Variants in TBX20 observed in about 807,000 individuals in gnomAD.
The protein encoded by TBX20 is T-box transcription factor 20.
In TBX20, 8 loss-of-function variants were observed where a neutral mutation model predicts 42.9. That is an observed-to-expected ratio of 0.19 (90% confidence interval 0.11 to 0.34). The LOEUF (loss-of-function observed/expected upper bound fraction) is 0.34. Ranked by LOEUF, TBX20 falls within the 10% of genes least tolerant of loss-of-function variation. The probability of loss-of-function intolerance (pLI) is 1.00; values close to 1 mark genes in which losing one functional copy is unlikely to be tolerated. For missense variants in TBX20, 411 were observed against 566.0 expected (o/e 0.73, Z 2.78); for synonymous variants, 198 against 222.8 (o/e 0.89, Z 0.99).
intron 4 of TBX20, among the ~76,000 whole-genome samples, chr7:35,242,633 TC>T (rs1013073413): frequency 3.9e-5 from 6 of 152,146 alleles, no homozygotes; most frequent in African/African-American, 9.7e-5. Context: ...GCTGCTTCTT[TC>T]CCCACTTCTA....
intron 6 of TBX20, among the ~76,000 whole-genome samples, chr7:35,206,525 CAA>C (rs1238923033): frequency 6.6e-6 from 1 of 152,126 alleles, no homozygotes; most frequent in Admixed American, 6.5e-5. Flanking sequence ...CCAGCCTAGA[CAA>C]AAGAGTGAAA....
chr7:35,231,511 T>A lies in TBX20; in HGVS notation c.883A>T (p.Ile295Phe), dbSNP rs1789865653. The A allele has an allele frequency of 6.2e-7, 1 of 1,612,600 alleles. No individual in the cohort carries two copies. The highest frequency in any genetic ancestry group is 1.7e-5 in the Admixed American group (1 of 59,996). ...ACAGAAAATTCTCATTACCTCTCAA[T>A]GTCAGTGAGCCTGGAGGAATCCCGG... ...GFRDSSRLTD[I>F]ERESVESLIQ... Residue 295 changes from isoleucine (I) to phenylalanine (F), a missense_variant, in exon 6 of 8, where the codon ATT becomes TTT. Ile to Phe is a conservative substitution (Grantham distance 21). Transcript: ENST00000408931.
At chr7:35,247,969 T>C (rs923743264) in intron 3 of TBX20, among the ~76,000 whole-genome samples, 1 of 152,198 alleles carries the variant, frequency 6.6e-6, no homozygotes, top group Non-Finnish European at 1.5e-5. Flanking sequence ...AAGGTTTGCA[T>C]GTGCTTTTTT....
intron 6 of TBX20, among the ~76,000 whole-genome samples, chr7:35,219,111 A>C (rs1465518170): frequency 6.6e-6 from 1 of 152,152 alleles, no homozygotes; most frequent in Non-Finnish European, 1.5e-5. Flanking sequence ...CCTGGATCCT[A>C]TCCCTCCAAG....
chr7:35,232,808 AG>A (rs1789892764), intron 5 of TBX20, among the ~76,000 whole-genome samples: 1 of 152,220 alleles, frequency 6.6e-6, no homozygotes, highest in African/African-American at 2.4e-5. Flanking sequence ...GCAGATCATA[AG>A]GTCAGGAGTT....
At chr7:35,222,687 AGAC>A (rs1168169957) in intron 6 of TBX20, among the ~76,000 whole-genome samples, 1 of 152,172 alleles carries the variant, frequency 6.6e-6, no homozygotes, top group Non-Finnish European at 1.5e-5. Flanking sequence ...GGAAGGTTAA[AGAC>A]CCTCAGGCTG....
intron 5 of TBX20, among the ~76,000 whole-genome samples, chr7:35,239,792 C>A (rs1790039444): frequency 6.6e-6 from 1 of 151,840 alleles, no homozygotes; most frequent in African/African-American, 2.4e-5. Flanking sequence ...CGCTTTGTCA[C>A]CCAGGCTGGA....
In TBX20 at chr7:35,240,419, G is replaced by A. The variant is rs183580822; in HGVS notation, c.813+460C>T. Among the ~76,000 whole-genome samples, 126 of 152,276 alleles carry A rather than the reference G, an allele frequency of 8.3e-4. 1 individual carries two copies. Among genetic ancestry groups the A allele is most frequent in the Non-Finnish European group, 1.5e-3 (102 of 68,028 alleles). Reference sequence around the variant, plus strand: ...AAAGACATTTAAAATCATTTTACCAGAATTATCTCACCCTAAATTATAGCT... The same window carrying A: ...AAAGACATTTAAAATCATTTTACCAAAATTATCTCACCCTAAATTATAGCT... On this transcript the variant is annotated intron_variant, in intron 5 of 7. Coordinates refer to ENST00000408931, the MANE Select transcript of TBX20 (RefSeq NM_001077653.2).
intron 1 of TBX20, among the ~76,000 whole-genome samples, chr7:35,251,342 A>G (rs1790302121): frequency 6.6e-6 from 1 of 152,236 alleles, no homozygotes; most frequent in South Asian, 2.1e-4. Context: ...TTTATTTCCT[A>G]CACATCCGTA....
intron 6 of TBX20, among the ~76,000 whole-genome samples, chr7:35,227,682 T>C (rs1789798290): frequency 1.3e-5 from 2 of 152,102 alleles, no homozygotes; most frequent in Non-Finnish European, 2.9e-5. Context: ...ACAATGCATT[T>C]CTCAGAATGC....
chr7:35,244,515 T>C (rs868610631), intron 4 of TBX20, among the ~76,000 whole-genome samples: 4 of 152,228 alleles, frequency 2.6e-5, no homozygotes, highest in Admixed American at 1.3e-4. Context: ...ATACATATGT[T>C]CTATAGACTA....
At position 35,232,779 on chromosome 7, in the gene TBX20, C is replaced by T. The variant is rs906406011; in HGVS notation, c.814-1199G>A. ...GTGGCTCACGCCTGTAATCCCAGCG[C>T]TTTGGGAGACCGAGGTGGGCAGATC... On this transcript the variant is annotated intron_variant, in intron 5 of 7. Transcript: ENST00000408931. 4.6e-5 allele frequency among the ~76,000 whole-genome samples: 7 copies of T among 152,294 alleles called. No individual in the cohort carries two copies. The South Asian group carries it at 6.2e-4, about 14-fold the overall frequency.
chr7:35,215,800 A>ACAGAG (rs983198373), intron 6 of TBX20, among the ~76,000 whole-genome samples: 1 of 152,130 alleles, frequency 6.6e-6, no homozygotes, highest in African/African-American at 2.4e-5. Flanking sequence ...AATGGGCAAA[A>ACAGAG]CAGAGGATCA....
intron 4 of TBX20, among the ~76,000 whole-genome samples, chr7:35,242,225 G>A (rs189756844): frequency 9.9e-4 from 150 of 152,234 alleles, no homozygotes; most frequent in African/African-American, 3.0e-3. Context: ...ATATATAATC[G>A]CTCGCTCTCT....
At chr7:35,247,588 T>C (rs1790218403) in intron 3 of TBX20, among the ~76,000 whole-genome samples, 1 of 152,182 alleles carries the variant, frequency 6.6e-6, no homozygotes, top group Non-Finnish European at 1.5e-5. Context: ...CTGAACCATA[T>C]GTGTAATTGT....
chr7:35,232,601 T>C (rs1316086279), intron 5 of TBX20, among the ~76,000 whole-genome samples: 3 of 152,168 alleles, frequency 2.0e-5, no homozygotes, highest in Non-Finnish European at 2.9e-5. Context: ...CTTCTCAGTA[T>C]CAAAATTAGA....
At chr7:35,227,206 G>C (rs1011883108) in intron 6 of TBX20, among the ~76,000 whole-genome samples, 4 of 151,876 alleles carry the variant, frequency 2.6e-5, no homozygotes, top group Non-Finnish European at 5.9e-5. Flanking sequence ...GAGTCAAAAA[G>C]TTAAAAAAAT....
chr7:35,253,433 G>A, intron 1 of TBX20, 61 bp downstream of exon 1: 1 of 1,568,530 alleles, frequency 6.4e-7, no homozygotes, highest in Non-Finnish European at 8.6e-7. Context: ...CTGCAGCCAG[G>A]GGCACAGACG....
At chr7:35,226,414 A>AT (rs1789771899) in intron 6 of TBX20, among the ~76,000 whole-genome samples, 1 of 151,886 alleles carries the variant, frequency 6.6e-6, no homozygotes, top group African/African-American at 2.4e-5. Context: ...CAAAAAAAAA[A>AT]AAAAAAACCT....
Sources: allele counts gnomAD v4.1 joint callset (sites outside exome capture counted in the v4.1 genomes callset), GRCh38; gene constraint gnomAD v4.1.1; transcripts MANE v1.5; gene names NCBI Gene and HGNC (gene_info 2026-07-23, HGNC 2026-07-21).